KCNMA1: variants seen among roughly 807,000 people sequenced by gnomAD.
KCNMA1 encodes the protein potassium calcium-activated channel subfamily M alpha 1.
In KCNMA1, 29 loss-of-function variants were observed where a neutral mutation model predicts 140.0. That is an observed-to-expected ratio of 0.21 (90% CI 0.15 to 0.28). KCNMA1 has a LOEUF of 0.28. Ranked by LOEUF, KCNMA1 falls within the 10% of genes least tolerant of loss-of-function variation. KCNMA1 has a pLI of 1.00. For missense variants in KCNMA1, 880 were observed against 1,602.2 expected (o/e 0.55, Z 7.70); for synonymous variants, 612 against 611.9 (o/e 1.00, Z 0.00).
chr10:76,953,006 C>CCT lies in KCNMA1; in HGVS notation c.2484+794_2484+795insAG, dbSNP rs556658387. ...CCAGTGTAGGCATTAAGACCCAAAGCTGTTAATAGAACAAGGGCAGAGAGT... is the reference window on the plus strand; with the variant it reads ...CCAGTGTAGGCATTAAGACCCAAAGCCTTGTTAATAGAACAAGGGCAGAGAGT... On this transcript the variant is annotated intron_variant, in intron 21 of 27. Transcript: ENST00000286628. 1.6e-4 allele frequency among the ~76,000 whole-genome samples: 25 copies of CCT among 152,304 alleles called. No individual in the cohort carries two copies. In the South Asian group the frequency reaches 4.6e-3, roughly 28 times the overall value.
chr10:77,321,475 C>G (rs1353118442), intron 2 of KCNMA1, among the ~76,000 whole-genome samples: 2 of 151,946 alleles, frequency 1.3e-5, no homozygotes, highest in Non-Finnish European at 2.9e-5. Context: ...GTCAGTAAAA[C>G]CACACACACA....
intron 1 of KCNMA1, among the ~76,000 whole-genome samples, chr10:77,573,698 G>T (rs1215387810): frequency 6.7e-6 from 1 of 149,530 alleles, no homozygotes; most frequent in East Asian, 2.0e-4. Context: ...GAATAGAATA[G>T]AATAGAATAG....
chr10:77,282,343 C>A (rs761958544), intron 2 of KCNMA1, among the ~76,000 whole-genome samples: 1 of 152,164 alleles, frequency 6.6e-6, no homozygotes. Context: ...TGTGCCACCA[C>A]GTGGACTTTG....
chr10:76,887,589 G>A, intron 27 of KCNMA1, 74 bp from the exon 28 acceptor site: 6 of 1,553,402 alleles, frequency 3.9e-6, no homozygotes, highest in Non-Finnish European at 5.3e-6. Context: ...TGAACCAAAA[G>A]CAATGGCCTG....
At chr10:77,296,933 T>G (rs1241200675) in intron 2 of KCNMA1, among the ~76,000 whole-genome samples, 2 of 150,464 alleles carry the variant, frequency 1.3e-5, no homozygotes, top group Admixed American at 6.7e-5. Context: ...TGGGGGAATG[T>G]AGAGAAGAAC....
At chr10:77,215,757 G>C (rs2047539202) in intron 3 of KCNMA1, among the ~76,000 whole-genome samples, 1 of 152,132 alleles carries the variant, frequency 6.6e-6, no homozygotes, top group South Asian at 2.1e-4. Context: ...TTTGGAGGTG[G>C]AGCCTTTGGG....
intron 5 of KCNMA1, among the ~76,000 whole-genome samples, chr10:77,177,508 T>C (rs2098762605): frequency 6.6e-6 from 1 of 151,220 alleles, no homozygotes; most frequent in Non-Finnish European, 1.5e-5. Flanking sequence ...TCTTTTCTTT[T>C]CTTTTTTCTT....
chr10:77,202,966 T>C (rs1367367508), intron 3 of KCNMA1, among the ~76,000 whole-genome samples: 2 of 152,208 alleles, frequency 1.3e-5, no homozygotes, highest in Non-Finnish European at 2.9e-5. Flanking sequence ...TAAAATCTCC[T>C]GGAATTGAAG....
chr10:77,508,548 AACC>A (rs2047023864), intron 1 of KCNMA1, among the ~76,000 whole-genome samples: 3 of 149,958 alleles, frequency 2.0e-5, no homozygotes, highest in Admixed American at 1.3e-4. Context: ...TTACCATTGG[AACC>A]ACTTTTCCTT....
chr10:77,290,597 G>C (rs2072877253), intron 2 of KCNMA1, among the ~76,000 whole-genome samples: 1 of 152,190 alleles, frequency 6.6e-6, no homozygotes, highest in South Asian at 2.1e-4. Context: ...TTGGGAGTTA[G>C]ATGTTTTCCT....
intron 1 of KCNMA1, among the ~76,000 whole-genome samples, chr10:77,574,142 T>C (rs1166438207): frequency 6.6e-6 from 1 of 152,124 alleles, no homozygotes; most frequent in Non-Finnish European, 1.5e-5. Context: ...AGACCTATCC[T>C]TTGTAACATT....
intron 14 of KCNMA1, chr10:77,071,432 C>T (rs2096208261): frequency 6.6e-6 from 1 of 152,220 alleles, no homozygotes; most frequent in South Asian, 2.1e-4. Flanking sequence ...AAGAAAACCA[C>T]CAGAGCTTGA....
intron 1 of KCNMA1, among the ~76,000 whole-genome samples, chr10:77,428,121 C>T (rs1039460441): frequency 8.6e-5 from 13 of 152,032 alleles, no homozygotes; most frequent in African/African-American, 2.4e-4. Flanking sequence ...AAGTCTGCTC[C>T]GTGAATTACA....
intron 16 of KCNMA1, chr10:77,025,503 T>G (rs2093365933): frequency 6.7e-7 from 1 of 1,499,180 alleles, no homozygotes; most frequent in South Asian, 1.2e-5. Flanking sequence ...AATTTGATAA[T>G]AAATCGACTG....
intron 5 of KCNMA1, among the ~76,000 whole-genome samples, chr10:77,169,480 C>T (rs1488523153): frequency 6.6e-6 from 1 of 151,962 alleles, no homozygotes; most frequent in Non-Finnish European, 1.5e-5. Context: ...GCTTCAACCT[C>T]CAAGGCTCAA....
At chr10:77,633,262 C>T (rs2093405594) in intron 1 of KCNMA1, among the ~76,000 whole-genome samples, 1 of 152,078 alleles carries the variant, frequency 6.6e-6, no homozygotes. Flanking sequence ...CTGCAGTGAG[C>T]CAAGATCGTG....
At chr10:77,629,189 T>G (rs1010788300) in intron 1 of KCNMA1, among the ~76,000 whole-genome samples, 2 of 152,202 alleles carry the variant, frequency 1.3e-5, no homozygotes, top group Non-Finnish European at 2.9e-5. Flanking sequence ...AAATTGGCAA[T>G]TAGACACAAT....
chr10:77,310,446 A>G (rs1321133229), intron 2 of KCNMA1, among the ~76,000 whole-genome samples: 1 of 152,234 alleles, frequency 6.6e-6, no homozygotes, highest in East Asian at 1.9e-4. Context: ...ATACCATCTT[A>G]GGCACATTAA....
intron 2 of KCNMA1, among the ~76,000 whole-genome samples, chr10:77,324,635 C>T (rs1253579062): frequency 6.6e-6 from 1 of 152,112 alleles, no homozygotes; most frequent in Admixed American, 6.5e-5. Flanking sequence ...ACTCAAACTC[C>T]CATAATTCTC....
Sources: gnomAD v4.1 joint callset for allele counts (sites outside exome capture counted in the v4.1 genomes callset) on GRCh38, gnomAD v4.1.1 for gene constraint, MANE v1.5 for transcripts, NCBI Gene and HGNC (gene_info 2026-07-23, HGNC 2026-07-21) for gene names.